Variants in DYRK1A observed in about 807,000 individuals in gnomAD.
DYRK1A encodes dual specificity tyrosine-phosphorylation-regulated kinase 1A.
A neutral mutation model predicts 79.7 loss-of-function variants in DYRK1A; 9 were observed. The observed-to-expected ratio is 0.11, with a 90% CI of 0.07 to 0.20. DYRK1A has a LOEUF of 0.20. DYRK1A is among the 10% of genes least tolerant of loss of function. The probability of loss-of-function intolerance (pLI) is 1.00; values close to 1 mark genes in which losing one functional copy is unlikely to be tolerated. For synonymous variants in DYRK1A, 349 were observed against 329.7 expected, an observed-to-expected ratio of 1.06 and a Z score of -0.63; for missense variants, 622 against 956.0, an observed-to-expected ratio of 0.65 and a Z score of 4.61.
chr21:37,465,982 A>G (rs2052012672), intron 2 of DYRK1A, among the ~76,000 whole-genome samples: 1 of 152,256 alleles, frequency 6.6e-6, no homozygotes, highest in Non-Finnish European at 1.5e-5. Flanking sequence ...TCCGCAAGAC[A>G]GTGCTGATGC....
At chr21:37,443,245 A>G (rs2051164001) in intron 2 of DYRK1A, among the ~76,000 whole-genome samples, 1 of 152,032 alleles carries the variant, frequency 6.6e-6, no homozygotes, top group Admixed American at 6.6e-5. Flanking sequence ...CAACTCCTCA[A>G]GAGATCCTCC....
intron 1 of DYRK1A, among the ~76,000 whole-genome samples, chr21:37,402,220 CTT>C (rs1164997386): frequency 6.6e-6 from 1 of 152,108 alleles, no homozygotes; most frequent in African/African-American, 2.4e-5. Context: ...TTTATGAAAA[CTT>C]TGTTTCCATT....
intron 2 of DYRK1A, among the ~76,000 whole-genome samples, chr21:37,468,275 CT>C (rs545784255): frequency 2.1e-4 from 31 of 146,910 alleles, no homozygotes; most frequent in Admixed American, 2.7e-4. Context: ...CCATGCCTGG[CT>C]TTTTTTTTTT....
At chr21:37,471,597 G>C (rs1022458217) in intron 2 of DYRK1A, among the ~76,000 whole-genome samples, 3 of 152,194 alleles carry the variant, frequency 2.0e-5, no homozygotes, top group African/African-American at 7.2e-5. Context: ...ACCTTTTCAG[G>C]TAGGTATTAT....
intron 2 of DYRK1A, among the ~76,000 whole-genome samples, chr21:37,431,021 T>G (rs1054026159): frequency 6.6e-6 from 1 of 152,180 alleles, no homozygotes; most frequent in Non-Finnish European, 1.5e-5. Context: ...ATTGGTATTA[T>G]CCCAGTTGCC....
In DYRK1A at chr21:37,520,710, G is replaced by C. The variant is rs2053928835; in HGVS notation, c.*8179G>C. 6.6e-6 allele frequency: 1 copy of C among 152,224 alleles called. No individual in the cohort carries two copies. Among genetic ancestry groups the C allele is most frequent in the Non-Finnish European group, 1.5e-5 (1 of 68,046 alleles). The allele number at this position is 152,224 out of a possible 1,614,324, so 9.4% of individuals were successfully genotyped here. A position where few individuals can be genotyped will look rare whatever the true frequency, so the allele number is the denominator to read the frequency against. On this transcript the variant is annotated 3_prime_UTR_variant, in exon 12 of 12. Transcript: ENST00000647188. ...AGATATTTCTGGGAGAAGTAAATTG[G>C]ATGAGCTTTTGTGCTTCCCAGCAGC...
At chr21:37,380,491 CCCA>C (rs2049634509) in intron 1 of DYRK1A, among the ~76,000 whole-genome samples, 2 of 151,784 alleles carry the variant, frequency 1.3e-5, no homozygotes, top group African/African-American at 4.8e-5. Flanking sequence ...GGCCTGAAGG[CCCA>C]CAGTTACTCA....
chr21:37,498,078 T>G (rs2053328641), intron 9 of DYRK1A, among the ~76,000 whole-genome samples: 1 of 152,152 alleles, frequency 6.6e-6, no homozygotes, highest in Non-Finnish European at 1.5e-5. Flanking sequence ...GGCTATCTCT[T>G]TGTGGTTTGT....
Position 37,420,369 on chromosome 21 carries a change from AAG to A in DYRK1A, c.-4_-3del. ...ATCAGGATGATATGAGACTTGAAAG[AAG>A]ACGATGCATACAGGTGACTCAAGTT... On this transcript the variant is annotated 5_prime_UTR_variant, in exon 2 of 12. Transcript: ENST00000647188. The A allele has an allele frequency of 6.2e-7, 1 of 1,612,130 alleles. No homozygotes were observed. The highest frequency in any genetic ancestry group is 8.5e-7 in the Non-Finnish European group (1 of 1,178,696).
Position 37,521,519 on chromosome 21 carries a change from A to G in DYRK1A, c.*8988A>G, listed in dbSNP as rs529769794. On this transcript the variant is annotated 3_prime_UTR_variant, in exon 12 of 12. Transcript: ENST00000647188. ...CTAGGTCTTAGGGATGAGGACAAAA[A>G]GCATGTCACATTTTGTTGTTATAAG... 5.2e-5 allele frequency: 8 copies of G among 152,392 alleles called. No homozygotes were observed. Among genetic ancestry groups the G allele is most frequent in the Non-Finnish European group, 1.0e-4 (7 of 68,048 alleles). The allele number at this position is 152,392 out of a possible 1,614,324, so 9.4% of individuals were successfully genotyped here.
intron 2 of DYRK1A, among the ~76,000 whole-genome samples, chr21:37,449,118 T>A (rs755757041): frequency 6.6e-6 from 1 of 152,222 alleles, no homozygotes; most frequent in Non-Finnish European, 1.5e-5. Context: ...TCTTAACTTC[T>A]GGGAGGTAGT....
chr21:37,492,572 A>G (rs1439448612), intron 7 of DYRK1A, among the ~76,000 whole-genome samples: 1 of 152,186 alleles, frequency 6.6e-6, no homozygotes, highest in African/African-American at 2.4e-5. Context: ...ATTATATTAT[A>G]TTGAAGTTAC....
intron 2 of DYRK1A, among the ~76,000 whole-genome samples, chr21:37,452,467 G>A (rs1485682810): frequency 6.6e-6 from 1 of 152,146 alleles, no homozygotes; most frequent in Non-Finnish European, 1.5e-5. Context: ...CAAACTTGGC[G>A]CTACTGCCTG....
chr21:37,479,589 G>GT (rs1569361929), intron 4 of DYRK1A, among the ~76,000 whole-genome samples: 2 of 74,392 alleles, frequency 2.7e-5, no homozygotes, highest in African/African-American at 1.1e-4. Flanking sequence ...CAGTGTTGGT[G>GT]TTTTGTTTTT....
intron 1 of DYRK1A, among the ~76,000 whole-genome samples, chr21:37,370,442 T>A (rs1263560038): frequency 2.0e-5 from 3 of 152,208 alleles, no homozygotes; most frequent in Non-Finnish European, 4.4e-5. Flanking sequence ...CTTATAATCT[T>A]GTGCCACTGA....
At chr21:37,454,776 C>T (rs920828867) in intron 2 of DYRK1A, among the ~76,000 whole-genome samples, 17 of 152,082 alleles carry the variant, frequency 1.1e-4, no homozygotes, top group African/African-American at 3.9e-4. Flanking sequence ...AGATTATGTG[C>T]TGCGGAAAAC....
chr21:37,439,873 T>C (rs2051040256), intron 2 of DYRK1A, among the ~76,000 whole-genome samples: 1 of 152,150 alleles, frequency 6.6e-6, no homozygotes, highest in Admixed American at 6.5e-5. Flanking sequence ...TTTTATTTTT[T>C]AGTTAATTTG....
In DYRK1A at chr21:37,398,076, A is replaced by ATATAT. The variant is rs149647070; in HGVS notation, c.-76-22223_-76-22222insTATAT. ...GCAAGACCTCATCTCTTAAAAAAAA[A>ATATAT]ATATATATATATATTTATATTTATA... On this transcript the variant is annotated intron_variant, in intron 1 of 11. Transcript: ENST00000647188. Among the ~76,000 whole-genome samples the ATATAT allele has an allele frequency of 4.1e-3, 597 of 145,736 alleles. 2 individuals are homozygous for ATATAT. The highest frequency in any genetic ancestry group is 5.6e-3 in the Non-Finnish European group (377 of 66,824).
intron 4 of DYRK1A, 127 bp downstream of exon 4, chr21:37,478,427 C>A: frequency 3.0e-6 from 2 of 660,942 alleles, no homozygotes; most frequent in South Asian, 4.7e-5. Flanking sequence ...ATTATGAAGA[C>A]TAATGATTTA....
Sources: allele counts gnomAD v4.1 joint callset (sites outside exome capture counted in the v4.1 genomes callset), GRCh38; gene constraint gnomAD v4.1.1; transcripts MANE v1.5; gene names NCBI Gene and HGNC (gene_info 2026-07-23, HGNC 2026-07-21).